The following TMEM108 variants were observed in gnomAD, a reference collection of about 807,000 sequenced individuals.
TMEM108 encodes cancer/testis antigen 124.
Under a neutral mutation model 35.1 loss-of-function variants are expected in TMEM108, and 12 were observed. That is an observed-to-expected ratio of 0.34 (90% CI 0.22 to 0.55). The LOEUF is 0.55. Ranked by LOEUF, TMEM108 falls within the 20% of genes least tolerant of loss-of-function variation. TMEM108 has a pLI of 0.89. For synonymous variants in TMEM108, 287 were observed against 308.6 expected (o/e 0.93, Z 0.73); for missense variants, 680 against 753.3 (o/e 0.90, Z 1.14).
intron 2 of TMEM108, among the ~76,000 whole-genome samples, chr3:133,158,891 G>A (rs1298251435): frequency 1.3e-5 from 2 of 152,180 alleles, no homozygotes; most frequent in African/African-American, 4.8e-5. Flanking sequence ...GCCAATCAAG[G>A]TTTGTGAACA....
intron 2 of TMEM108, among the ~76,000 whole-genome samples, chr3:133,181,038 A>AAAAAAAAAAAAAAAAAAAAAAAC (rs869218859): frequency 2.4e-5 from 3 of 126,516 alleles, no homozygotes; most frequent in African/African-American, 8.6e-5. Flanking sequence ...AAAAAAAAAA[A>AAAAAAAAAAAAAAAAAAAAAAAC]CAGCACTCCC....
At chr3:133,395,610 C>T (rs1303250976) in intron 5 of TMEM108, among the ~76,000 whole-genome samples, 1 of 152,054 alleles carries the variant, frequency 6.6e-6, no homozygotes, top group Non-Finnish European at 1.5e-5. Flanking sequence ...AAGCAGGGAA[C>T]ATTTTTTGAA....
chr3:133,184,896 G>T (rs1450360675), intron 2 of TMEM108, among the ~76,000 whole-genome samples: 4 of 152,192 alleles, frequency 2.6e-5, no homozygotes, highest in Non-Finnish European at 5.9e-5. Flanking sequence ...CAAAAGGAAA[G>T]TCCACTTACA....
chr3:133,395,855 T>C lies in TMEM108; in HGVS notation c.1606-9T>C. On this transcript the variant is annotated splice_polypyrimidine_tract_variant and intron_variant, in intron 5 of 5. Coordinates refer to ENST00000321871, the MANE Select transcript of TMEM108 (RefSeq NM_023943.4). ...CAGCTCACTCCATCTCCTCCCTCTC[T>C]CTTCCCAGGACCAGCTCTCAGAGCC... 6.4e-7 allele frequency: 1 copy of C among 1,571,794 alleles called. No homozygotes were observed. The highest frequency in any genetic ancestry group is 1.9e-5 in the Admixed American group (1 of 53,466).
At chr3:133,391,008 T>C (rs2073227243) in intron 5 of TMEM108, among the ~76,000 whole-genome samples, 1 of 152,168 alleles carries the variant, frequency 6.6e-6, no homozygotes, top group Non-Finnish European at 1.5e-5. Context: ...CTTTCCATCC[T>C]CACACGGAGG....
At chr3:133,375,073 T>C (rs2072795031) in intron 3 of TMEM108, among the ~76,000 whole-genome samples, 1 of 152,224 alleles carries the variant, frequency 6.6e-6, no homozygotes, top group African/African-American at 2.4e-5. Flanking sequence ...ACTACCTGCT[T>C]CATGAGGTTG....
At chr3:133,235,445 G>A (rs911605443) in intron 3 of TMEM108, among the ~76,000 whole-genome samples, 7 of 152,064 alleles carry the variant, frequency 4.6e-5, no homozygotes, top group Admixed American at 2.0e-4. Flanking sequence ...CAGAAATAAC[G>A]CTGCATATCT....
intron 2 of TMEM108, among the ~76,000 whole-genome samples, chr3:133,109,492 G>A (rs922291755): frequency 4.6e-5 from 7 of 152,058 alleles, no homozygotes; most frequent in South Asian, 2.1e-4. Flanking sequence ...TTGAGGTACT[G>A]TGTATCTCTG....
Position 133,390,061 on chromosome 3 carries a change from G to T in TMEM108, c.1451-119G>T, listed in dbSNP as rs538857616. ...CACTTTGTACAGTTCACCATGCCCT[G>T]CCCCTTTTCCCACCATACACTTACT... On this transcript the variant is annotated intron_variant, in intron 4 of 5. Transcript: ENST00000321871. 2.9e-5 allele frequency: 35 copies of T among 1,226,724 alleles called. No homozygotes were observed. In the South Asian group the frequency reaches 4.4e-4, roughly 16 times the overall value. The allele number at this position is 1,226,724 out of a possible 1,614,324, so 76.0% of individuals were successfully genotyped here.
intron 2 of TMEM108, among the ~76,000 whole-genome samples, chr3:133,075,535 C>T (rs542352182): frequency 2.0e-5 from 3 of 152,146 alleles, no homozygotes; most frequent in Admixed American, 6.5e-5. Flanking sequence ...GTAATCCTAA[C>T]CCTCAAGAAG....
rs142101843 is a variant in TMEM108 at position 133,095,221 on chromosome 3, G to A, written c.-47+49201G>A. 2.8e-3 allele frequency among the ~76,000 whole-genome samples: 426 copies of A among 152,298 alleles called. 3 individuals are homozygous for A. Among genetic ancestry groups the A allele is most frequent in the Non-Finnish European group, 4.3e-3 (292 of 68,018 alleles). Reference sequence around the variant, plus strand: ...TAGTTCACATAATGGAGTATAAGAGGATTATGAGATGTGTGGATGTAGTCA... The same window carrying A: ...TAGTTCACATAATGGAGTATAAGAGAATTATGAGATGTGTGGATGTAGTCA... On this transcript the variant is annotated intron_variant, in intron 2 of 5. Coordinates refer to ENST00000321871, the MANE Select transcript of TMEM108 (RefSeq NM_023943.4).
At chr3:133,319,148 A>G (rs373359182) in intron 3 of TMEM108, among the ~76,000 whole-genome samples, 58 of 152,144 alleles carry the variant, frequency 3.8e-4, no homozygotes, top group African/African-American at 1.2e-3. Flanking sequence ...TTGGCCCAAG[A>G]ACCACCCCTT....
At chr3:133,226,910 G>A (rs1946079704) in intron 2 of TMEM108, among the ~76,000 whole-genome samples, 1 of 152,148 alleles carries the variant, frequency 6.6e-6, no homozygotes, top group Non-Finnish European at 1.5e-5. Flanking sequence ...GGAGGCAAGG[G>A]AGGAGCAAGT....
chr3:133,292,367 T>C (rs1405597951), intron 3 of TMEM108, among the ~76,000 whole-genome samples: 2 of 152,214 alleles, frequency 1.3e-5, no homozygotes, highest in African/African-American at 4.8e-5. Flanking sequence ...TTCCATTGTT[T>C]TTACCTCACA....
intron 2 of TMEM108, among the ~76,000 whole-genome samples, chr3:133,176,781 C>T (rs1945237762): frequency 1.3e-5 from 2 of 152,086 alleles, no homozygotes; most frequent in African/African-American, 2.4e-5. Context: ...CAAACACATT[C>T]AAAAGCTAGC....
chr3:133,179,256 C>T (rs1425238966), intron 2 of TMEM108, among the ~76,000 whole-genome samples: 1 of 152,102 alleles, frequency 6.6e-6, no homozygotes, highest in Non-Finnish European at 1.5e-5. Context: ...GGCGATTCCT[C>T]AGAGATCTAG....
intron 3 of TMEM108, among the ~76,000 whole-genome samples, chr3:133,231,016 C>T (rs935693869): frequency 4.6e-5 from 7 of 152,090 alleles, no homozygotes; most frequent in Admixed American, 1.3e-4. Context: ...TAGTGGCCCT[C>T]ACTAAACCAC....
At chr3:133,196,698 A>G (rs113369043) in intron 2 of TMEM108, among the ~76,000 whole-genome samples, 2,285 of 152,336 alleles carry the variant, frequency 0.015, 76 homozygotes, top group African/African-American at 0.051. Flanking sequence ...CAAGAAGTGA[A>G]TAGACCAACA....
chr3:133,158,136 C>T (rs1944906309), intron 2 of TMEM108, among the ~76,000 whole-genome samples: 2 of 151,904 alleles, frequency 1.3e-5, no homozygotes, highest in South Asian at 4.2e-4. Context: ...TGGGTTCTGC[C>T]CTCCATATTT....
Sources: allele counts gnomAD v4.1 joint callset (sites outside exome capture counted in the v4.1 genomes callset), GRCh38; gene constraint gnomAD v4.1.1; transcripts MANE v1.5; gene names NCBI Gene and HGNC (gene_info 2026-07-23, HGNC 2026-07-21).